AFG3L2: variants seen among roughly 807,000 people sequenced by gnomAD.
AFG3L2 encodes mitochondrial inner membrane m-AAA protease component AFG3L2.
In AFG3L2, 54 loss-of-function variants were observed where a neutral mutation model predicts 94.5. The observed-to-expected ratio is 0.57, with a 90% CI of 0.46 to 0.72. AFG3L2 has a LOEUF of 0.72. Ranked by LOEUF, AFG3L2 falls within the 30% of genes least tolerant of loss-of-function variation. AFG3L2 has a pLI of 0.00. For synonymous variants in AFG3L2, 377 were observed against 365.5 expected, an observed-to-expected ratio of 1.03 and a Z score of -0.36; for missense variants, 754 against 994.9, an observed-to-expected ratio of 0.76 and a Z score of 3.26.
At chr18:12,374,925 G>A (rs1428875632) in intron 1 of AFG3L2, among the ~76,000 whole-genome samples, 2 of 151,720 alleles carry the variant, frequency 1.3e-5, no homozygotes, top group East Asian at 1.9e-4. Context: ...GCGTAGTGGC[G>A]GGCGCCTGTA....
At chr18:12,349,629 T>C (rs1403637604) in intron 12 of AFG3L2, among the ~76,000 whole-genome samples, 1 of 152,180 alleles carries the variant, frequency 6.6e-6, no homozygotes, top group Non-Finnish European at 1.5e-5. Context: ...TTATGTTAAG[T>C]GAACATAAAC....
chr18:12,368,389 G>GT (rs1908874546), intron 3 of AFG3L2, among the ~76,000 whole-genome samples: 1 of 151,902 alleles, frequency 6.6e-6, no homozygotes, highest in Non-Finnish European at 1.5e-5. Context: ...CAAAACAAAA[G>GT]TAAGTACTCC....
intron 16 of AFG3L2, among the ~76,000 whole-genome samples, chr18:12,333,170 AAT>A (rs1907627012): frequency 8.6e-6 from 1 of 116,400 alleles, no homozygotes; most frequent in Non-Finnish European, 1.6e-5. Flanking sequence ...TATATATAAT[AAT>A]AGATAATATA....
intron 14 of AFG3L2, chr18:12,342,891 A>G (rs1369149110): frequency 6.6e-6 from 1 of 151,708 alleles, no homozygotes. Context: ...CCAGCACTAC[A>G]CTCTCATCAC....
intron 15 of AFG3L2, among the ~76,000 whole-genome samples, chr18:12,338,347 T>A (rs989206264): frequency 6.6e-6 from 1 of 152,180 alleles, no homozygotes; most frequent in African/African-American, 2.4e-5. Context: ...AAGGATGGCA[T>A]GCCACTCACG....
At chr18:12,334,677 C>A (rs1907685872) in intron 16 of AFG3L2, among the ~76,000 whole-genome samples, 1 of 152,150 alleles carries the variant, frequency 6.6e-6, no homozygotes, top group Admixed American at 6.5e-5. Flanking sequence ...TTCATGGCCA[C>A]CCCTGCAGGC....
chr18:12,369,090 T>C (rs967079734), intron 3 of AFG3L2, among the ~76,000 whole-genome samples: 5 of 151,940 alleles, frequency 3.3e-5, no homozygotes, highest in Admixed American at 6.6e-5. Flanking sequence ...ACAGGTATGA[T>C]ATGCACAAGC....
intron 14 of AFG3L2, among the ~76,000 whole-genome samples, 181 bp from the exon 15 acceptor site, chr18:12,340,582 G>A (rs1443959234): frequency 1.3e-5 from 1 of 77,440 alleles, no homozygotes; most frequent in African/African-American, 4.9e-5. Flanking sequence ...CTCAGGATAA[G>A]TTCACCTTAG....
chr18:12,365,528 T>C (rs1303864761), intron 5 of AFG3L2, among the ~76,000 whole-genome samples: 2 of 152,202 alleles, frequency 1.3e-5, no homozygotes, highest in Non-Finnish European at 2.9e-5. Context: ...CACAGGACAA[T>C]GGTACAGGCA....
rs1388304276 is a variant in AFG3L2, at chr18:12,356,757, G to T, written c.1101C>A (p.Val367=). 4 of 1,614,244 alleles carry T rather than the reference G, an allele frequency of 2.5e-6. No homozygotes were observed. Among genetic ancestry groups the T allele is most frequent in the Non-Finnish European group, 3.4e-6 (4 of 1,180,046 alleles). ...CAGATCCACTAACGGTGATGAAGGG[G>T]ACATTGGCTTCTCCGGCTGTGGCCT... ...LAKATAGEAN[V]PFITVSGSEF... Residue 367 remains valine, a synonymous_variant, in exon 9 of 17, where the codon GTC becomes GTA. Coordinates refer to ENST00000269143, the MANE Select transcript of AFG3L2 (RefSeq NM_006796.3).
In AFG3L2 at chr18:12,376,854, G is replaced by C. The variant is rs1028291251; in HGVS notation, c.114+115C>G. ...CGCAGGGCGCCCAGGCCCTCGGCAGGGACGGCCCGCGTGCGGCCGGAGGGC... is the reference window on the plus strand; with the variant it reads ...CGCAGGGCGCCCAGGCCCTCGGCAGCGACGGCCCGCGTGCGGCCGGAGGGC... On this transcript the variant is annotated intron_variant, in intron 1 of 16. Transcript: ENST00000269143. 6 of 796,706 alleles carry C rather than the reference G, an allele frequency of 7.5e-6. No individual in the cohort carries two copies. The African/African-American group carries it at 9.1e-5, about 12-fold the overall frequency. 49.4% of individuals were successfully genotyped at this position (796,706 alleles called of 1,614,324 possible). A position where few individuals can be genotyped will look rare whatever the true frequency, so the allele number is the denominator to read the frequency against.
At chr18:12,349,532 T>C (rs1908247377) in intron 12 of AFG3L2, among the ~76,000 whole-genome samples, 2 of 152,172 alleles carry the variant, frequency 1.3e-5, no homozygotes, top group South Asian at 4.1e-4. Context: ...CAACAAGATG[T>C]GGAACAGCCA....
intron 16 of AFG3L2, among the ~76,000 whole-genome samples, chr18:12,330,041 G>A (rs573615302): frequency 1.3e-5 from 2 of 152,356 alleles, no homozygotes; most frequent in East Asian, 3.9e-4. Flanking sequence ...CATCTATAAT[G>A]AGGAGGAAGC....
chr18:12,343,806 T>C (rs1908032781), intron 14 of AFG3L2: 1 of 416,342 alleles, frequency 2.4e-6, no homozygotes, highest in Non-Finnish European at 4.5e-6. Context: ...CATACCACTG[T>C]AGTGTGGAGA....
At chr18:12,359,008 CAAGATATCAATA>C in intron 7 of AFG3L2, 65 bp from the exon 8 acceptor site, 2 of 1,550,974 alleles carry the variant, frequency 1.3e-6, no homozygotes, top group African/African-American at 2.7e-5. Flanking sequence ...ACATGTGGTG[CAAGATATCAATA>C]TAAATATATA....
chr18:12,376,754 G>A (rs1909170019), intron 1 of AFG3L2, among the ~76,000 whole-genome samples: 1 of 152,246 alleles, frequency 6.6e-6, no homozygotes, highest in African/African-American at 2.4e-5. Flanking sequence ...TACTGAAGCT[G>A]CGCGTTTTCA....
At chr18:12,360,438 A>T (rs747713582) in intron 6 of AFG3L2, among the ~76,000 whole-genome samples, 84 of 152,224 alleles carry the variant, frequency 5.5e-4, no homozygotes, top group Non-Finnish European at 1.0e-3. Context: ...CAGGGATAAG[A>T]GCTAAAGTTT....
chr18:12,377,019 G>A lies in AFG3L2; in HGVS notation c.64C>T (p.Leu22Phe). ...GGCWPRGLQQ[L>F]LVPGGVGPGE... ...GGGCCCACGCCGCCAGGCACGAGGA[G>A]CTGCTGTAGGCCGCGGGGCCAGCAG... The change falls in exon 1 of 17, where the codon CTC (leucine) becomes TTC (phenylalanine). Residue 22 changes from leucine to phenylalanine, a missense_variant. Transcript: ENST00000269143. The A allele has an allele frequency of 6.9e-7, 1 of 1,449,464 alleles. No homozygotes were observed. Among genetic ancestry groups the A allele is most frequent in the Non-Finnish European group, 9.1e-7 (1 of 1,103,970 alleles). The allele number at this position is 1,449,464 out of a possible 1,614,324, so 89.8% of individuals were successfully genotyped here.
chr18:12,332,150 G>C (rs1224824137), intron 16 of AFG3L2, among the ~76,000 whole-genome samples: 1 of 137,036 alleles, frequency 7.3e-6, no homozygotes, highest in Non-Finnish European at 1.5e-5. Context: ...TTGAGACAGA[G>C]TCTTGTTCTG....
Sources: allele counts gnomAD v4.1 joint callset (sites outside exome capture counted in the v4.1 genomes callset), GRCh38; gene constraint gnomAD v4.1.1; transcripts MANE v1.5; gene names NCBI Gene and HGNC (gene_info 2026-07-23, HGNC 2026-07-21).